The following MYO16 variants were observed in gnomAD, a reference collection of about 807,000 sequenced individuals.
MYO16 encodes the protein myosin XVI, also known as unconventional myosin-XVI.
Under a neutral mutation model 205.3 loss-of-function variants are expected in MYO16, and 94 were observed. That is an observed-to-expected ratio of 0.46 (90% CI 0.39 to 0.54). The LOEUF (loss-of-function observed/expected upper bound fraction) is 0.54, where lower values mean the gene tolerates loss of function less well. Among genes scored for constraint, MYO16 ranks in the 20% least tolerant of loss-of-function variants. The pLI is 0.00. For synonymous variants in MYO16, 988 were observed against 954.0 expected, an observed-to-expected ratio of 1.04 and a Z score of -0.66; for missense variants, 2,315 against 2,387.5, an observed-to-expected ratio of 0.97 and a Z score of 0.63.
At chr13:109,053,019 G>A (rs1469790639) in intron 25 of MYO16, among the ~76,000 whole-genome samples, 1 of 152,068 alleles carries the variant, frequency 6.6e-6, no homozygotes, top group South Asian at 2.1e-4. Context: ...AAGATTCTAT[G>A]TGCCAAAAGA....
chr13:109,150,976 G>A (rs1038075871), intron 32 of MYO16, among the ~76,000 whole-genome samples: 1 of 152,114 alleles, frequency 6.6e-6, no homozygotes, highest in African/African-American at 2.4e-5. Context: ...TCTTCCTTTT[G>A]TGAAGAAATG....
intron 27 of MYO16, among the ~76,000 whole-genome samples, chr13:109,092,090 T>C (rs1444843802): frequency 2.0e-5 from 3 of 152,346 alleles, no homozygotes; most frequent in Non-Finnish European, 2.9e-5. Flanking sequence ...ATTAAATTTC[T>C]AAGGGGTTTC....
chr13:108,578,651 C>A, the MYO16 span, among the ~76,000 whole-genome samples: 1 of 152,168 alleles, frequency 6.6e-6, no homozygotes, highest in East Asian at 1.9e-4. Flanking sequence ...GGATGTCTGG[C>A]TGGAAAAACA....
chr13:108,614,920 TATC>T (rs992275802), intron 1 of MYO16, among the ~76,000 whole-genome samples: 1 of 152,078 alleles, frequency 6.6e-6, no homozygotes, highest in Non-Finnish European at 1.5e-5. Flanking sequence ...GTTTCTTAGA[TATC>T]ATGCCAAAAT....
At chr13:108,559,231 A>G in the MYO16 span, among the ~76,000 whole-genome samples, 3 of 152,000 alleles carry the variant, frequency 2.0e-5, no homozygotes, top group Non-Finnish European at 4.4e-5. Flanking sequence ...GTGAAGACAC[A>G]TAGGGAGCAC....
chr13:108,789,293 T>C lies in MYO16; in HGVS notation c.616+3550T>C, dbSNP rs557504447. Among the ~76,000 whole-genome samples the C allele has an allele frequency of 2.6e-4, 39 of 152,306 alleles. 1 individual carries two copies. The highest frequency in any genetic ancestry group is 9.1e-4 in the African/African-American group (38 of 41,564). ...CCTTATTTGATATCCTTCTAATATG[T>C]CCACCCAGATCACAAATCATGCTGT... On this transcript the variant is annotated intron_variant, in intron 5 of 34. Transcript: ENST00000457511.
Position 109,088,638 on chromosome 13 carries a change from A to T in MYO16, c.3336-12147A>T, listed in dbSNP as rs143744842. Among the ~76,000 whole-genome samples the T allele has an allele frequency of 4.2e-3, 633 of 152,268 alleles. 1 individual carries two copies. The highest frequency in any genetic ancestry group is 0.017 in the Middle Eastern group (5 of 294). On this transcript the variant is annotated intron_variant, in intron 27 of 34. Coordinates refer to ENST00000457511, the MANE Select transcript of MYO16 (RefSeq NM_001198950.3). ...TAAAGTACATGAATGAATCCCTGGG[A>T]TTAAGACGGTGCTGCGGATGCGGTG...
At chr13:108,801,797 C>T (rs895620424) in intron 6 of MYO16, among the ~76,000 whole-genome samples, 1 of 152,082 alleles carries the variant, frequency 6.6e-6, no homozygotes, top group Non-Finnish European at 1.5e-5. Flanking sequence ...CCAAAGAGAC[C>T]GTGCATGTAA....
chr13:109,140,939 C>G lies in MYO16; in HGVS notation c.4727C>G (p.Ala1576Gly), dbSNP rs769347635. 1 of 1,553,500 alleles carries G rather than the reference C, an allele frequency of 6.4e-7. No homozygotes were observed. Among genetic ancestry groups the G allele is most frequent in the Non-Finnish European group, 8.7e-7 (1 of 1,152,644 alleles). The part of the protein sequence containing the change: ...KSQKGDGDRP[A>G]SPGLALFNGS... ...CAGAAGGGCGACGGCGACAGGCCCG[C>G]GTCCCCCGGCCTGGCGCTGTTCAAC... Residue 1576 changes from alanine (A) to glycine (G), a missense_variant, in exon 32 of 35, where the codon GCG becomes GGG. This residue lies in a region of MYO16 where 1,097 missense variants were observed against 1,092.0 expected (regional missense o/e 1.00). Transcript: ENST00000457511. This position sits in a 1 kb window ranked among gnomAD's most constrained non-coding sequence, Gnocchi z 8.0.
At chr13:108,647,310 G>T (rs1566526759) in intron 1 of MYO16, among the ~76,000 whole-genome samples, 1 of 152,086 alleles carries the variant, frequency 6.6e-6, no homozygotes, top group Non-Finnish European at 1.5e-5. Context: ...TCGGGAAGAT[G>T]CTCCCTACCA....
At chr13:108,659,270 T>C (rs1881389292) in intron 1 of MYO16, 1 of 178,674 alleles carries the variant, frequency 5.6e-6, no homozygotes, top group African/African-American at 2.4e-5. Context: ...ATATATATCA[T>C]ATATATGATA....
At chr13:108,746,247 A>G (rs1885059127) in intron 4 of MYO16, among the ~76,000 whole-genome samples, 1 of 152,084 alleles carries the variant, frequency 6.6e-6, no homozygotes. Context: ...AAAATGAAGA[A>G]TGCCTTTGAT....
At chr13:109,147,873 GA>G (rs377443766) in intron 32 of MYO16, among the ~76,000 whole-genome samples, 3 of 152,066 alleles carry the variant, frequency 2.0e-5, no homozygotes, top group African/African-American at 7.2e-5. Context: ...GTCCTTTGGG[GA>G]AACTAGATTA....
chr13:108,879,573 C>T lies in MYO16; in HGVS notation c.1426-3486C>T, dbSNP rs989731056. On this transcript the variant is annotated intron_variant, in intron 12 of 34. Transcript: ENST00000457511. Reference sequence around the variant, plus strand: ...TCCCCACCCTGTGTCCAAGCGTTCTCACTGTTCAATTCCCACCTATGAGTG... The same window carrying T: ...TCCCCACCCTGTGTCCAAGCGTTCTTACTGTTCAATTCCCACCTATGAGTG... Among the ~76,000 whole-genome samples, 146 of 152,266 alleles carry T rather than the reference C, an allele frequency of 9.6e-4. 1 individual carries two copies. The highest frequency in any genetic ancestry group is 1.2e-3 in the Non-Finnish European group (79 of 68,036).
At chr13:108,920,139 CAAG>C (rs1881673742) in intron 16 of MYO16, among the ~76,000 whole-genome samples, 1 of 152,152 alleles carries the variant, frequency 6.6e-6, no homozygotes, top group Non-Finnish European at 1.5e-5. Flanking sequence ...TGTTTCTCAC[CAAG>C]TTAAGGACTT....
At chr13:109,154,293 G>T (rs543634253) in intron 32 of MYO16, among the ~76,000 whole-genome samples, 13 of 152,228 alleles carry the variant, frequency 8.5e-5, no homozygotes, top group African/African-American at 3.1e-4. Context: ...AGCTCTCAAG[G>T]TCCCCACGTC....
chr13:109,051,940 G>A (rs921952084), intron 24 of MYO16, among the ~76,000 whole-genome samples: 7 of 152,012 alleles, frequency 4.6e-5, no homozygotes, highest in Non-Finnish European at 5.9e-5. Context: ...GGAATGGGGC[G>A]TTTCTAATAG....
chr13:108,999,026 G>A (rs1885128810), intron 21 of MYO16, among the ~76,000 whole-genome samples: 1 of 152,162 alleles, frequency 6.6e-6, no homozygotes, highest in South Asian at 2.1e-4. Flanking sequence ...AGAGAGGTGG[G>A]TAAATTGAGT....
chr13:108,500,469 C>T, the MYO16 span, among the ~76,000 whole-genome samples: 2 of 151,626 alleles, frequency 1.3e-5, no homozygotes, highest in South Asian at 4.2e-4. Context: ...ACATCGTGAT[C>T]CACTCGCCTC....
Sources: allele counts gnomAD v4.1 joint callset (sites outside exome capture counted in the v4.1 genomes callset), GRCh38; gene constraint gnomAD v4.1.1; regional missense constraint gnomAD v4.1.1; non-coding constraint Gnocchi (gnomAD v3.1); transcripts MANE v1.5; gene names NCBI Gene and HGNC (gene_info 2026-07-23, HGNC 2026-07-21).